Variants in TRPM7 observed in about 807,000 individuals in gnomAD.
TRPM7 encodes the protein transient receptor potential cation channel subfamily M member 7, also known as LTRPC ion channel family member 7.
Under a neutral mutation model 229.7 loss-of-function variants are expected in TRPM7, and 134 were observed. That is an observed-to-expected ratio of 0.58 (90% CI 0.51 to 0.67). The LOEUF is 0.67. Ranked by LOEUF, TRPM7 falls within the 30% of genes least tolerant of loss-of-function variation. TRPM7 has a pLI of 0.00. For missense variants in TRPM7, 1,901 were observed against 2,210.0 expected, an observed-to-expected ratio of 0.86 and a Z score of 2.80; for synonymous variants, 699 against 715.2, an observed-to-expected ratio of 0.98 and a Z score of 0.36.
intron 12 of TRPM7, among the ~76,000 whole-genome samples, chr15:50,621,170 A>AC: frequency 6.6e-6 from 1 of 151,564 alleles, no homozygotes; most frequent in Admixed American, 6.6e-5. Context: ...AAAAAAAAAA[A>AC]AAAAAAAAAA....
At chr15:50,612,402 A>G (rs2060084909) in intron 16 of TRPM7, 147 bp downstream of exon 16, 1 of 534,892 alleles carries the variant, frequency 1.9e-6, no homozygotes, top group Non-Finnish European at 2.9e-6. Flanking sequence ...TTAAAAAAAT[A>G]TATACTTATA....
intron 21 of TRPM7, among the ~76,000 whole-genome samples, chr15:50,603,536 C>A (rs931908031): frequency 1.1e-4 from 16 of 140,188 alleles, no homozygotes; most frequent in African/African-American, 4.2e-4. Flanking sequence ...TTGTTCAATT[C>A]CCACCTATGA....
At position 50,665,809 on chromosome 15, in the gene TRPM7, A is replaced by G. The variant is rs555312528; in HGVS notation, c.4-2763T>C. Among the ~76,000 whole-genome samples the G allele has an allele frequency of 1.2e-4, 19 of 152,258 alleles. No homozygotes were observed. In the East Asian group the frequency reaches 3.5e-3, roughly 28 times the overall value. On this transcript the variant is annotated intron_variant, in intron 1 of 38. Coordinates refer to ENST00000646667, the MANE Select transcript of TRPM7 (RefSeq NM_017672.6). Reference sequence around the variant, plus strand: ...CAGGAGCTCAAGACCAGCCTGACCAACATGGTGAAAACCGTCTCTACTAAA... The same window carrying G: ...CAGGAGCTCAAGACCAGCCTGACCAGCATGGTGAAAACCGTCTCTACTAAA...
chr15:50,685,171 C>G (rs1331584489), intron 1 of TRPM7, among the ~76,000 whole-genome samples: 1 of 152,342 alleles, frequency 6.6e-6, no homozygotes, highest in East Asian at 1.9e-4. Flanking sequence ...AGTTTGAAAT[C>G]TCCCATGTTG....
chr15:50,615,795 C>T (rs1050656580), intron 13 of TRPM7, among the ~76,000 whole-genome samples: 1 of 152,064 alleles, frequency 6.6e-6, no homozygotes, highest in Non-Finnish European at 1.5e-5. Flanking sequence ...ACTCAGAAGG[C>T]TGAGGCAGAA....
At chr15:50,614,958 T>C (rs1419551855) in intron 13 of TRPM7, among the ~76,000 whole-genome samples, 3 of 151,768 alleles carry the variant, frequency 2.0e-5, no homozygotes, top group Non-Finnish European at 2.9e-5. Flanking sequence ...TCACCTGAGG[T>C]TGGGAGTTCG....
chr15:50,643,589 C>T (rs761102877), intron 4 of TRPM7, 36 bp from the exon 5 acceptor site: 10 of 1,564,382 alleles, frequency 6.4e-6, no homozygotes, highest in South Asian at 4.5e-5. Flanking sequence ...AATAATTGAA[C>T]ATGTTCACAG....
At chr15:50,679,519 T>TATAC (rs1377585503) in intron 1 of TRPM7, among the ~76,000 whole-genome samples, 5 of 18,058 alleles carry the variant, frequency 2.8e-4, no homozygotes, top group African/African-American at 7.2e-4. Flanking sequence ...ATAATATATA[T>TATAC]ATATATATAT....
chr15:50,605,330 A>T (rs2059892882), intron 20 of TRPM7, among the ~76,000 whole-genome samples, 186 bp from the exon 21 acceptor site: 1 of 152,190 alleles, frequency 6.6e-6, no homozygotes. Context: ...GGCTCACTGC[A>T]ACCTCCGTCT....
At chr15:50,572,398 C>G (rs1447964207) in intron 36 of TRPM7, among the ~76,000 whole-genome samples, 1 of 152,220 alleles carries the variant, frequency 6.6e-6, no homozygotes, top group African/African-American at 2.4e-5. Context: ...AAAAAGACTA[C>G]AACTTGATGA....
chr15:50,620,444 C>G (rs1401154048), intron 12 of TRPM7, among the ~76,000 whole-genome samples: 1 of 151,970 alleles, frequency 6.6e-6, no homozygotes, highest in African/African-American at 2.4e-5. Flanking sequence ...TTATATATGC[C>G]ATAATTTTGC....
chr15:50,599,337 A>G, intron 21 of TRPM7, 41 bp from the exon 22 acceptor site: 1 of 1,452,696 alleles, frequency 6.9e-7, no homozygotes, highest in Non-Finnish European at 9.4e-7. Flanking sequence ...AGGAAGTTTA[A>G]ACACTATGAC....
intron 12 of TRPM7, among the ~76,000 whole-genome samples, chr15:50,623,545 T>C (rs1596233216): frequency 7.6e-6 from 1 of 131,948 alleles, no homozygotes; most frequent in African/African-American, 3.1e-5. Flanking sequence ...GTGAGAAAAG[T>C]AGATGGGGCA....
chr15:50,666,125 A>G (rs2061873766), intron 1 of TRPM7, among the ~76,000 whole-genome samples: 1 of 152,256 alleles, frequency 6.6e-6, no homozygotes, highest in Non-Finnish European at 1.5e-5. Context: ...GATTTTAATA[A>G]AACAGCAAGA....
intron 26 of TRPM7, among the ~76,000 whole-genome samples, 193 bp from the exon 27 acceptor site, chr15:50,589,849 T>C (rs2059439736): frequency 2.1e-5 from 1 of 46,650 alleles, no homozygotes; most frequent in Non-Finnish European, 6.2e-5. Context: ...GGTTACAGTT[T>C]TTTTTGTTTT....
chr15:50,606,882 C>T (rs531901484), intron 20 of TRPM7, among the ~76,000 whole-genome samples: 1 of 152,240 alleles, frequency 6.6e-6, no homozygotes, highest in South Asian at 2.1e-4. Flanking sequence ...ATATTTAATA[C>T]TTTTTGAAGA....
intron 12 of TRPM7, 105 bp from the exon 13 acceptor site, chr15:50,619,903 G>A (rs2060341790): frequency 1.0e-6 from 1 of 972,418 alleles, no homozygotes; most frequent in Non-Finnish European, 1.5e-6. Context: ...TTGTTTTGGA[G>A]TTATTTCCTT....
intron 28 of TRPM7, among the ~76,000 whole-genome samples, chr15:50,583,583 T>TCG (rs1555404726): frequency 6.6e-6 from 1 of 150,938 alleles, no homozygotes; most frequent in East Asian, 1.9e-4. Context: ...GAGTTTTGTT[T>TCG]TTTTTTTTTT....
At chr15:50,648,661 G>T in intron 4 of TRPM7, 26 bp downstream of exon 4, 11 of 1,550,514 alleles carry the variant, frequency 7.1e-6, no homozygotes, top group Non-Finnish European at 9.6e-6. Flanking sequence ...CAACATAAAT[G>T]AAGAAAAATC....
Sources: allele counts gnomAD v4.1 joint callset (sites outside exome capture counted in the v4.1 genomes callset), GRCh38; gene constraint gnomAD v4.1.1; transcripts MANE v1.5; gene names NCBI Gene and HGNC (gene_info 2026-07-23, HGNC 2026-07-21).